FBXO11: variants seen among roughly 807,000 people sequenced by gnomAD.
FBXO11 encodes the protein F-box only protein 11.
In FBXO11, 13 loss-of-function variants were observed where a neutral mutation model predicts 117.0. The observed-to-expected ratio is 0.11, with a 90% CI of 0.07 to 0.18. FBXO11 has a LOEUF of 0.18. FBXO11 is among the 10% of genes least tolerant of loss of function. FBXO11 has a pLI of 1.00. For synonymous variants in FBXO11, 490 were observed against 380.5 expected, an observed-to-expected ratio of 1.29 and a Z score of -3.35; for missense variants, 767 against 1,164.4, an observed-to-expected ratio of 0.66 and a Z score of 4.97.
chr2:47,869,386 G>T (rs75129775), intron 1 of FBXO11, among the ~76,000 whole-genome samples: 1 of 152,158 alleles, frequency 6.6e-6, no homozygotes, highest in Non-Finnish European at 1.5e-5. Flanking sequence ...GTGCTGGCTG[G>T]AGTGACTGAT....
chr2:47,807,849 A>G lies in FBXO11; in HGVS notation c.*269T>C, dbSNP rs758133601. On this transcript the variant is annotated 3_prime_UTR_variant, in exon 23 of 23. Transcript: ENST00000403359. ...AAACACCAGCTTTTCAGAAGTTGGTATCTGTACAAAATTGCAGCTTATTTT... is the reference window on the plus strand; with the variant it reads ...AAACACCAGCTTTTCAGAAGTTGGTGTCTGTACAAAATTGCAGCTTATTTT... The G allele has an allele frequency of 1.5e-4, 47 of 316,458 alleles. No individual in the cohort carries two copies. The highest frequency in any genetic ancestry group is 2.4e-4 in the Non-Finnish European group (41 of 170,204). 19.6% of individuals were successfully genotyped at this position (316,458 alleles called of 1,614,324 possible). A position where few individuals can be genotyped will look rare whatever the true frequency, so the allele number is the denominator to read the frequency against.
chr2:47,905,471 G>T lies in FBXO11; in HGVS notation c.232+18C>A. The T allele has an allele frequency of 1.6e-6, 2 of 1,222,566 alleles. No homozygotes were observed. Among genetic ancestry groups the T allele is most frequent in the Non-Finnish European group, 1.0e-6 (1 of 982,368 alleles). The allele number at this position is 1,222,566 out of a possible 1,614,324, so 75.7% of individuals were successfully genotyped here. A position where few individuals can be genotyped will look rare whatever the true frequency, so the allele number is the denominator to read the frequency against. ...GGTGCCCGGGAAGGCGGGCGGTTGG[G>T]AGGTAGCGCGGCCTTACCCCGCTCG... On this transcript the variant is annotated intron_variant, in intron 1 of 22. Transcript: ENST00000403359.
intron 1 of FBXO11, among the ~76,000 whole-genome samples, chr2:47,853,993 C>T (rs2103676099): frequency 6.6e-6 from 1 of 152,280 alleles, no homozygotes; most frequent in Non-Finnish European, 1.5e-5. Flanking sequence ...GTGCTGACCA[C>T]AGATAAAAAT....
At chr2:47,813,127 TGA>T in intron 18 of FBXO11, 105 bp downstream of exon 18, 1 of 1,139,212 alleles carries the variant, frequency 8.8e-7, no homozygotes, top group Non-Finnish European at 1.3e-6. Context: ...GAAAAAGACT[TGA>T]GATTCACTCA....
intron 18 of FBXO11, chr2:47,811,629 G>A (rs1308311662): frequency 6.6e-6 from 1 of 152,178 alleles, no homozygotes; most frequent in Non-Finnish European, 1.5e-5. Context: ...TTTAAAAACT[G>A]ACCTTACTAA....
chr2:47,807,981 A>C lies in FBXO11; in HGVS notation c.*137T>G. 1.3e-6 allele frequency: 1 copy of C among 755,322 alleles called. No homozygotes were observed. Among genetic ancestry groups the C allele is most frequent in the Non-Finnish European group, 2.1e-6 (1 of 466,220 alleles). The allele number at this position is 755,322 out of a possible 1,614,324, so 46.8% of individuals were successfully genotyped here. A position where few individuals can be genotyped will look rare whatever the true frequency, so the allele number is the denominator to read the frequency against. ...TTCTTTTTGGTAGCTTGAGCTTCAT[A>C]GTGTCAACTGACCTTGTGTATCCAT... On this transcript the variant is annotated 3_prime_UTR_variant, in exon 23 of 23. Coordinates refer to ENST00000403359, the MANE Select transcript of FBXO11 (RefSeq NM_001190274.2).
At position 47,855,057 on chromosome 2, in the gene FBXO11, T is replaced by C. The variant is rs74331147; in HGVS notation, c.233-15288A>G. Among the ~76,000 whole-genome samples the C allele has an allele frequency of 7.5e-3, 1,135 of 152,162 alleles. 19 individuals are homozygous for C. Among genetic ancestry groups the C allele is most frequent in the Middle Eastern group, 0.027 (8 of 294 alleles). ...GTAAGAATAAGAACAAAATAGAACATGAAATCAGGAATCACTTTCTAGAAT... is the reference window on the plus strand; with the variant it reads ...GTAAGAATAAGAACAAAATAGAACACGAAATCAGGAATCACTTTCTAGAAT... On this transcript the variant is annotated intron_variant, in intron 1 of 22. Transcript: ENST00000403359.
At chr2:47,857,881 A>C (rs1335042470) in intron 1 of FBXO11, among the ~76,000 whole-genome samples, 1 of 152,200 alleles carries the variant, frequency 6.6e-6, no homozygotes, top group Non-Finnish European at 1.5e-5. Context: ...AAGAATCATA[A>C]GGCAGACGCA....
intron 1 of FBXO11, among the ~76,000 whole-genome samples, chr2:47,866,092 A>G (rs1675171780): frequency 6.6e-6 from 1 of 151,596 alleles, no homozygotes; most frequent in African/African-American, 2.4e-5. Flanking sequence ...ATCTCTACCG[A>G]AAAAAAATTG....
At chr2:47,865,071 G>A (rs1263785041) in intron 1 of FBXO11, among the ~76,000 whole-genome samples, 1 of 152,190 alleles carries the variant, frequency 6.6e-6, no homozygotes, top group Non-Finnish European at 1.5e-5. Flanking sequence ...AATTAACAGA[G>A]TTGTGTTAAT....
chr2:47,862,780 C>T (rs887790247), intron 1 of FBXO11, among the ~76,000 whole-genome samples: 4 of 152,228 alleles, frequency 2.6e-5, no homozygotes, highest in East Asian at 3.9e-4. Context: ...TTCAGCCGGG[C>T]GTGGTGGCTC....
In FBXO11 at chr2:47,857,227, A is replaced by C. The variant is rs570854182; in HGVS notation, c.233-17458T>G. Among the ~76,000 whole-genome samples the C allele has an allele frequency of 5.9e-5, 9 of 152,328 alleles. No homozygotes were observed. In the South Asian group the frequency reaches 1.9e-3, roughly 32 times the overall value. ...TATACAAACTGCCCCATAAACAAAC[A>C]ACACACCATTTGTTTGGAGAGAAAA... On this transcript the variant is annotated intron_variant, in intron 1 of 22. Transcript: ENST00000403359.
intron 16 of FBXO11, among the ~76,000 whole-genome samples, chr2:47,817,796 TTTG>T (rs1671108273): frequency 6.6e-6 from 1 of 152,202 alleles, no homozygotes; most frequent in Non-Finnish European, 1.5e-5. Flanking sequence ...ACAGATGAAG[TTTG>T]TTATCTTGGG....
intron 1 of FBXO11, among the ~76,000 whole-genome samples, chr2:47,876,321 T>G (rs1413259589): frequency 6.6e-6 from 1 of 152,242 alleles, no homozygotes; most frequent in Non-Finnish European, 1.5e-5. Flanking sequence ...TCAACTCAAC[T>G]TGATTTATCA....
chr2:47,839,470 C>A lies in FBXO11; in HGVS notation c.391G>T (p.Gly131Cys). ...GASTSTTENF[G>C]HRAKRARVSG... ...ACTCTTGCACGTTTTGCACGATGAC[C>A]AAAGTTTTCTGTAGTTGAAGTTGAG... Residue 131 changes from glycine to cysteine, a missense_variant, in exon 3 of 23, where the codon GGT (glycine) becomes TGT (cysteine). Coordinates refer to ENST00000403359, the MANE Select transcript of FBXO11 (RefSeq NM_001190274.2). 1 of 1,613,882 alleles carries A rather than the reference C, an allele frequency of 6.2e-7. No homozygotes were observed. The highest frequency in any genetic ancestry group is 8.5e-7 in the Non-Finnish European group (1 of 1,179,978).
intron 1 of FBXO11, among the ~76,000 whole-genome samples, chr2:47,848,466 G>C (rs147067676): frequency 7.2e-5 from 11 of 152,150 alleles, no homozygotes; most frequent in Admixed American, 3.3e-4. Flanking sequence ...CCACCCCTCT[G>C]AGTCCGTGGA....
At chr2:47,880,475 T>C (rs1484134083) in intron 1 of FBXO11, among the ~76,000 whole-genome samples, 1 of 152,200 alleles carries the variant, frequency 6.6e-6, no homozygotes, top group Non-Finnish European at 1.5e-5. Context: ...TCTTGTTTAC[T>C]TTTCCTTATG....
rs1375759618 is a variant in FBXO11 at position 47,868,891 on chromosome 2, T to C, written c.233-29122A>G. 2.0e-5 allele frequency among the ~76,000 whole-genome samples: 3 copies of C among 152,334 alleles called. No individual in the cohort carries two copies. The East Asian group carries it at 5.8e-4, about 29-fold the overall frequency. On this transcript the variant is annotated intron_variant, in intron 1 of 22. Coordinates refer to ENST00000403359, the MANE Select transcript of FBXO11 (RefSeq NM_001190274.2). ...AAGGCAACATTTGTTCTCACTGGCA[T>C]AGACACTTCACAGCAAATGAAAGGC... is the stretch of plus-strand genomic sequence containing the variant.
At chr2:47,849,497 A>C (rs1026876948) in intron 1 of FBXO11, among the ~76,000 whole-genome samples, 6 of 152,218 alleles carry the variant, frequency 3.9e-5, no homozygotes, top group Admixed American at 3.3e-4. Context: ...TTCAAAAGCC[A>C]AATCTTGCCA....
Sources: allele counts gnomAD v4.1 joint callset (sites outside exome capture counted in the v4.1 genomes callset), GRCh38; gene constraint gnomAD v4.1.1; transcripts MANE v1.5; gene names NCBI Gene and HGNC (gene_info 2026-07-23, HGNC 2026-07-21).